Variants in METTL15 observed in about 807,000 individuals in gnomAD.
METTL15 encodes the protein 12S rRNA N(4)-cytidine methyltransferase METTL15.
Under a neutral mutation model 38.3 loss-of-function variants are expected in METTL15, and 34 were observed. That is an observed-to-expected ratio of 0.89 (90% CI 0.68 to 1.18). The LOEUF (loss-of-function observed/expected upper bound fraction) is 1.18, where lower values mean the gene tolerates loss of function less well. Ranked by LOEUF, METTL15 falls within the 50% of genes most tolerant of loss-of-function variation. METTL15 has a pLI of 0.00. For synonymous variants in METTL15, 162 were observed against 170.9 expected, an observed-to-expected ratio of 0.95 and a Z score of 0.41; for missense variants, 438 against 498.4, an observed-to-expected ratio of 0.88 and a Z score of 1.15.
intron 6 of METTL15, among the ~76,000 whole-genome samples, chr11:28,518,670 T>C (rs1235198916): frequency 1.3e-5 from 2 of 152,120 alleles, no homozygotes; most frequent in Non-Finnish European, 2.9e-5. Flanking sequence ...ATCCTGGTAG[T>C]TAAGAAAAAC....
At chr11:28,415,333 A>C (rs2133416131) in intron 5 of METTL15, among the ~76,000 whole-genome samples, 1 of 152,308 alleles carries the variant, frequency 6.6e-6, no homozygotes, top group East Asian at 1.9e-4. Context: ...TAGCTAGAGC[A>C]GTTTTTGAAG....
At chr11:28,326,063 A>T (rs1411150842) in intron 6 of METTL15, among the ~76,000 whole-genome samples, 2 of 152,216 alleles carry the variant, frequency 1.3e-5, no homozygotes, top group Non-Finnish European at 2.9e-5. Context: ...CCTTAATCAA[A>T]TGAATTAGCC....
chr11:28,359,999 A>G (rs564932810), intron 4 of METTL15, among the ~76,000 whole-genome samples: 1 of 152,288 alleles, frequency 6.6e-6, no homozygotes, highest in East Asian at 1.9e-4. Flanking sequence ...TTGTTAAAGG[A>G]CTTACAAAAG....
chr11:28,129,823 T>A (rs1590772736), intron 3 of METTL15, among the ~76,000 whole-genome samples: 2 of 152,254 alleles, frequency 1.3e-5, no homozygotes, highest in East Asian at 3.9e-4. Flanking sequence ...TGGGGATTGC[T>A]AAAATAGTGA....
At chr11:28,303,576 A>T (rs982502877) in intron 6 of METTL15, among the ~76,000 whole-genome samples, 4 of 152,174 alleles carry the variant, frequency 2.6e-5, no homozygotes, top group African/African-American at 9.6e-5. Context: ...TTTGTGATTC[A>T]TGTTGATTAA....
At chr11:28,215,862 C>A (rs993421296) in intron 4 of METTL15, among the ~76,000 whole-genome samples, 1 of 151,982 alleles carries the variant, frequency 6.6e-6, no homozygotes, top group Non-Finnish European at 1.5e-5. Flanking sequence ...AGTGAGACAC[C>A]GTTTCTTACA....
chr11:28,134,437 G>C (rs1849447936), intron 3 of METTL15: 1 of 397,460 alleles, frequency 2.5e-6, no homozygotes, highest in East Asian at 3.6e-5. Context: ...CAAGGCCCCT[G>C]TGCAAGTTCC....
At chr11:28,505,815 T>C (rs1851623268) in intron 6 of METTL15, among the ~76,000 whole-genome samples, 1 of 152,188 alleles carries the variant, frequency 6.6e-6, no homozygotes, top group African/African-American at 2.4e-5. Flanking sequence ...TCCTGGCCTA[T>C]AAAAAGTTGA....
At chr11:28,505,991 C>T (rs760574383) in intron 6 of METTL15, among the ~76,000 whole-genome samples, 17 of 152,196 alleles carry the variant, frequency 1.1e-4, no homozygotes, top group Non-Finnish European at 2.1e-4. Flanking sequence ...CTGGTAGACT[C>T]CTCTTGCCCT....
At position 28,456,879 on chromosome 11, in the gene METTL15, A is replaced by T. The variant is rs181605506; in HGVS notation, c.*424+32515A>T. Reference sequence around the variant, plus strand: ...ATGTGGATGAAGAAGCCTCCAGATGATTCTAACCTGCAAGACCTGATTAAG... The same window carrying T: ...ATGTGGATGAAGAAGCCTCCAGATGTTTCTAACCTGCAAGACCTGATTAAG... On this transcript the variant is annotated intron_variant and NMD_transcript_variant, in intron 6 of 7. Coordinates refer to the METTL15 transcript ENST00000532947. 5.6e-3 allele frequency among the ~76,000 whole-genome samples: 859 copies of T among 152,306 alleles called. 7 individuals are homozygous for T. Among genetic ancestry groups the T allele is most frequent in the Admixed American group, 0.021 (323 of 15,288 alleles).
intron 4 of METTL15, among the ~76,000 whole-genome samples, chr11:28,246,748 A>G (rs1854530210): frequency 6.6e-6 from 1 of 152,132 alleles, no homozygotes; most frequent in Non-Finnish European, 1.5e-5. Flanking sequence ...ACTAAGGTAT[A>G]TTAGTGATAC....
intron 5 of METTL15, among the ~76,000 whole-genome samples, chr11:28,405,915 TGTAG>T (rs1321418285): frequency 6.6e-6 from 1 of 152,154 alleles, no homozygotes; most frequent in African/African-American, 2.4e-5. Flanking sequence ...ATCAGATGGT[TGTAG>T]GTGTGCAGTC....
chr11:28,148,022 T>C (rs977442839), intron 3 of METTL15, among the ~76,000 whole-genome samples: 2 of 151,886 alleles, frequency 1.3e-5, no homozygotes, highest in African/African-American at 4.8e-5. Flanking sequence ...TTCTCTTCAG[T>C]CTTCTTATCC....
intron 6 of METTL15, among the ~76,000 whole-genome samples, chr11:28,480,997 G>C (rs200989673): frequency 6.6e-6 from 1 of 152,096 alleles, no homozygotes; most frequent in Admixed American, 6.5e-5. Flanking sequence ...TAATGTTTAG[G>C]CAGGAAGAAG....
chr11:28,382,480 CA>C (rs1366885851), intron 5 of METTL15, among the ~76,000 whole-genome samples: 2 of 152,110 alleles, frequency 1.3e-5, no homozygotes, highest in East Asian at 3.9e-4. Flanking sequence ...AACTGTGAGT[CA>C]GGGGGAAATT....
chr11:28,163,764 CT>C, intron 3 of METTL15: 11 of 245,310 alleles, frequency 4.5e-5, no homozygotes, highest in South Asian at 1.8e-4. Flanking sequence ...TTTTTAAGTC[CT>C]TTTTTTCTGT....
At chr11:28,192,930 A>G (rs764149753) in intron 3 of METTL15, among the ~76,000 whole-genome samples, 3 of 152,092 alleles carry the variant, frequency 2.0e-5, no homozygotes. Context: ...TGTTGACTTT[A>G]TGTGTGTAGA....
At chr11:28,370,255 ATAC>A (rs1197559162) in intron 5 of METTL15, among the ~76,000 whole-genome samples, 1 of 151,824 alleles carries the variant, frequency 6.6e-6, no homozygotes, top group Non-Finnish European at 1.5e-5. Context: ...CCACCAATCT[ATAC>A]TAAAGCTTTG....
intron 4 of METTL15, among the ~76,000 whole-genome samples, chr11:28,217,570 C>T (rs915254677): frequency 6.6e-6 from 1 of 152,082 alleles, no homozygotes; most frequent in African/African-American, 2.4e-5. Flanking sequence ...TAATTAGATC[C>T]CATTTGTCAA....
Sources: gnomAD v4.1 joint callset for allele counts (sites outside exome capture counted in the v4.1 genomes callset) on GRCh38, gnomAD v4.1.1 for gene constraint, MANE v1.5 for transcripts, NCBI Gene and HGNC (gene_info 2026-07-23, HGNC 2026-07-21) for gene names.